OPHN1: variants seen among roughly 807,000 people sequenced by gnomAD.
The protein encoded by OPHN1 is oligophrenin 1, also known as oligophrenin-1.
OPHN1 carries 11 observed loss-of-function variants against 60.7 expected under a neutral mutation model. The ratio of observed to expected loss-of-function variants is 0.18; its 90% CI spans 0.11 to 0.30. The LOEUF (loss-of-function observed/expected upper bound fraction) is 0.30, where lower values mean the gene tolerates loss of function less well. Ranked by LOEUF, OPHN1 falls within the 10% of genes least tolerant of loss-of-function variation. OPHN1 has a pLI of 1.00. For synonymous variants in OPHN1, 226 were observed against 222.6 expected, an observed-to-expected ratio of 1.02 and a Z score of -0.14; for missense variants, 449 against 611.0, an observed-to-expected ratio of 0.73 and a Z score of 2.80.
At chrX:68,210,005 T>G (rs200083331) in intron 9 of OPHN1, 148 bp downstream of exon 9, 23 of 498,753 alleles carry the variant, frequency 4.6e-5, no homozygotes, top group African/African-American at 3.3e-4. Context: ...TTTTTTTTTT[T>G]GTTTTCAGTA....
chrX:68,139,753 G>A (rs1022364587), intron 15 of OPHN1, among the ~76,000 whole-genome samples: 5 of 112,194 alleles, frequency 4.5e-5, no homozygotes, highest in Non-Finnish European at 5.6e-5. Flanking sequence ...AGTTCAATGC[G>A]GGCAAGGCCC....
At chrX:68,111,211 C>T (rs1302507900) in intron 18 of OPHN1, among the ~76,000 whole-genome samples, 2 of 112,358 alleles carry the variant, frequency 1.8e-5, no homozygotes, top group African/African-American at 6.5e-5. Context: ...GGTCTGCTGG[C>T]TCCTGGACAG....
At chrX:68,248,656 G>A (rs1209416733) in intron 5 of OPHN1, among the ~76,000 whole-genome samples, 1 of 112,406 alleles carries the variant, frequency 8.9e-6, no homozygotes, top group Non-Finnish European at 1.9e-5. Context: ...GTTTGTTGCA[G>A]CACTGTTTAC....
intron 2 of OPHN1, among the ~76,000 whole-genome samples, chrX:68,300,374 T>C (rs2078114241): frequency 8.9e-6 from 1 of 112,662 alleles, no homozygotes; most frequent in African/African-American, 3.2e-5. Context: ...AAAATTTTAT[T>C]AGCATTTTGT....
chrX:68,169,940 T>C (rs1309096216), intron 15 of OPHN1, among the ~76,000 whole-genome samples: 1 of 108,053 alleles, frequency 9.3e-6, no homozygotes, highest in African/African-American at 3.5e-5. Context: ...TGGGATCTAA[T>C]TAAACTAAAG....
intron 15 of OPHN1, among the ~76,000 whole-genome samples, chrX:68,152,835 T>C (rs776418923): frequency 9.0e-6 from 1 of 111,586 alleles, no homozygotes; most frequent in South Asian, 3.8e-4. Flanking sequence ...TCATGTTGAC[T>C]TATTGAAGAA....
At position 68,279,917 on chromosome X, in the gene OPHN1, G is replaced by A. The variant is rs140385174; in HGVS notation, c.312+3139C>T. On this transcript the variant is annotated intron_variant, in intron 4 of 24. Coordinates refer to ENST00000355520, the MANE Select transcript of OPHN1 (RefSeq NM_002547.3). The stretch of plus-strand genomic sequence containing the variant: ...CAAAAGATGAATACTACTTCAATAT[G>A]TGAGGGCTTTGTTATTGGGTAAATA... Among the ~76,000 whole-genome samples the A allele has an allele frequency of 4.7e-4, 53 of 112,166 alleles. No homozygotes were observed. The East Asian group carries it at 0.014, about 31-fold the overall frequency.
rs775979254 is a variant in OPHN1 at position 68,346,358 on chromosome X, G to T, written c.155-47262C>A. ...GAAGACAAACTTCTATTAATAGGAGGCTGTATCAAATAACAATAGAGTCCA... is the reference window on the plus strand; with the variant it reads ...GAAGACAAACTTCTATTAATAGGAGTCTGTATCAAATAACAATAGAGTCCA... On this transcript the variant is annotated intron_variant, in intron 2 of 24. Coordinates refer to ENST00000355520, the MANE Select transcript of OPHN1 (RefSeq NM_002547.3). Among the ~76,000 whole-genome samples, 6 of 111,812 alleles carry T rather than the reference G, an allele frequency of 5.4e-5. No homozygotes were observed. The South Asian group carries it at 2.2e-3, about 42-fold the overall frequency.
rs764995919 is a variant in OPHN1, at chrX:68,316,919, C to T, written c.155-17823G>A. On this transcript the variant is annotated intron_variant, in intron 2 of 24. Transcript: ENST00000355520. ...TTATTCTGCCTACCACAGCCATATT[C>T]TGAGCCATAAAACCAACCTCAAAAA... 1.7e-3 allele frequency among the ~76,000 whole-genome samples: 192 copies of T among 111,643 alleles called. 1 individual carries two copies. Among genetic ancestry groups the T allele is most frequent in the African/African-American group, 6.0e-3 (185 of 30,737 alleles).
intron 6 of OPHN1, 131 bp downstream of exon 6, chrX:68,234,356 A>G: frequency 1.8e-6 from 1 of 544,819 alleles, no homozygotes; most frequent in South Asian, 2.5e-5. Flanking sequence ...CACAGTTTTG[A>G]CTACAAGTGC....
intron 5 of OPHN1, among the ~76,000 whole-genome samples, chrX:68,251,877 A>T (rs1201728001): frequency 1.8e-5 from 2 of 111,337 alleles, no homozygotes; most frequent in Non-Finnish European, 3.8e-5. Flanking sequence ...TTGTTCCCAA[A>T]TTTCCCCCCA....
chrX:68,242,995 G>A (rs1052022331), intron 5 of OPHN1, among the ~76,000 whole-genome samples: 5 of 110,900 alleles, frequency 4.5e-5, no homozygotes, highest in African/African-American at 1.6e-4. Context: ...AGCCTCCCAC[G>A]TAGCTAGGAC....
At chrX:68,077,008 G>A (rs931301403) in intron 19 of OPHN1, among the ~76,000 whole-genome samples, 1 of 111,507 alleles carries the variant, frequency 9.0e-6, no homozygotes, top group Non-Finnish European at 1.9e-5. Flanking sequence ...TTTAGTGTGG[G>A]AGTGGCCTGG....
intron 19 of OPHN1, among the ~76,000 whole-genome samples, chrX:68,075,854 A>C (rs1191273177): frequency 4.6e-5 from 5 of 109,515 alleles, no homozygotes; most frequent in African/African-American, 6.6e-5. Flanking sequence ...ATGGGCTATA[A>C]TCAAATTTAA....
chrX:68,390,230 T>C (rs1362938671), intron 2 of OPHN1, among the ~76,000 whole-genome samples: 1 of 111,503 alleles, frequency 9.0e-6, no homozygotes, highest in Non-Finnish European at 1.9e-5. Flanking sequence ...AGCCAAACTA[T>C]ATCAGTACGT....
chrX:68,207,960 A>G (rs183003932), intron 9 of OPHN1, among the ~76,000 whole-genome samples: 34 of 111,332 alleles, frequency 3.1e-4, no homozygotes, highest in African/African-American at 1.0e-3. Context: ...ATGCAGTGGT[A>G]TATACCTGGA....
chrX:68,141,969 C>A (rs1022408655), intron 15 of OPHN1, among the ~76,000 whole-genome samples: 4 of 109,625 alleles, frequency 3.6e-5, no homozygotes, highest in Non-Finnish European at 5.7e-5. Flanking sequence ...AGAAGAGAGG[C>A]AAGAGCCAAG....
chrX:68,086,928 T>C (rs1379810429), intron 19 of OPHN1, among the ~76,000 whole-genome samples: 1 of 112,093 alleles, frequency 8.9e-6, no homozygotes. Context: ...GAAGCAGGGC[T>C]ATGATATGAA....
intron 10 of OPHN1, among the ~76,000 whole-genome samples, chrX:68,201,998 G>A (rs952055121): frequency 8.9e-6 from 1 of 112,000 alleles, no homozygotes. Flanking sequence ...TACATATCAT[G>A]TAAGGGGAGT....
Sources: gnomAD v4.1 joint callset for allele counts (sites outside exome capture counted in the v4.1 genomes callset) on GRCh38, gnomAD v4.1.1 for gene constraint, MANE v1.5 for transcripts, NCBI Gene and HGNC (gene_info 2026-07-23, HGNC 2026-07-21) for gene names.